Variants in EPM2A observed in about 807,000 individuals in gnomAD.
EPM2A encodes laforin.
EPM2A carries 21 observed loss-of-function variants against 26.5 expected under a neutral mutation model. The observed-to-expected ratio is 0.79, with a 90% CI of 0.56 to 1.14. EPM2A has a LOEUF of 1.14. Among genes scored for constraint, EPM2A ranks in the 50% most tolerant of loss-of-function variants. The pLI is 0.00. For missense variants in EPM2A, 458 were observed against 440.8 expected (o/e 1.04, Z -0.35); for synonymous variants, 217 against 177.6 (o/e 1.22, Z -1.76).
chr6:145,484,196 AC>A (rs1298869551), intron 4 of EPM2A, among the ~76,000 whole-genome samples: 1 of 152,106 alleles, frequency 6.6e-6, no homozygotes, highest in Non-Finnish European at 1.5e-5. Flanking sequence ...TAGGATGCAG[AC>A]AACTGTGTTT....
At chr6:145,644,472 C>T (rs1777313694) in intron 2 of EPM2A, among the ~76,000 whole-genome samples, 1 of 151,856 alleles carries the variant, frequency 6.6e-6, no homozygotes, top group Non-Finnish European at 1.5e-5. Flanking sequence ...TATATGGATG[C>T]TGAAAATTTA....
chr6:145,525,778 T>A (rs976178733), intron 2 of EPM2A, among the ~76,000 whole-genome samples: 4 of 152,098 alleles, frequency 2.6e-5, no homozygotes, highest in African/African-American at 9.7e-5. Flanking sequence ...TTGGATACCT[T>A]TCATTTCTTT....
At chr6:145,542,214 C>T (rs969505380) in intron 2 of EPM2A, among the ~76,000 whole-genome samples, 1 of 152,224 alleles carries the variant, frequency 6.6e-6, no homozygotes, top group Admixed American at 6.5e-5. Context: ...TTTTTCTCTG[C>T]TTCCCAAATT....
downstream of EPM2A, among the ~76,000 whole-genome samples, chr6:145,497,874 C>T (rs976602707): frequency 3.3e-5 from 5 of 152,208 alleles, no homozygotes; most frequent in African/African-American, 1.2e-4. Context: ...CCCCAGTAGG[C>T]TTGGGCTCGC....
chr6:145,654,196 T>C (rs928880151), intron 2 of EPM2A, among the ~76,000 whole-genome samples: 1 of 149,968 alleles, frequency 6.7e-6, no homozygotes, highest in African/African-American at 2.5e-5. Context: ...ACTATGCAAT[T>C]TTTTTTTTTT....
rs564760635 is a variant in EPM2A, at chr6:145,708,643, T to G, written c.302-22347A>C. 3.3e-4 allele frequency among the ~76,000 whole-genome samples: 50 copies of G among 152,330 alleles called. 1 individual carries two copies. The South Asian group carries it at 0.01, about 31-fold the overall frequency. ...TCAGAGGATGTATGAAAAGCCTGGATGCCCAGGAAGAAGTTTGCTGCAGGG... is the reference window on the plus strand; with the variant it reads ...TCAGAGGATGTATGAAAAGCCTGGAGGCCCAGGAAGAAGTTTGCTGCAGGG... On this transcript the variant is annotated intron_variant, in intron 1 of 3. Coordinates refer to ENST00000367519, the MANE Select transcript of EPM2A (RefSeq NM_005670.4).
chr6:145,647,622 G>A (rs909916269), intron 2 of EPM2A, among the ~76,000 whole-genome samples: 3 of 151,784 alleles, frequency 2.0e-5, no homozygotes, highest in East Asian at 3.9e-4. Flanking sequence ...CAGTACCCAC[G>A]GCACTTAACA....
At chr6:145,607,179 T>G (rs1034109164) in intron 2 of EPM2A, among the ~76,000 whole-genome samples, 1 of 152,142 alleles carries the variant, frequency 6.6e-6, no homozygotes, top group Non-Finnish European at 1.5e-5. Flanking sequence ...AATAACCTCG[T>G]TAAAGTTTTA....
chr6:145,417,944 C>T (rs1027493848), intron 4 of EPM2A, among the ~76,000 whole-genome samples: 33 of 152,144 alleles, frequency 2.2e-4, no homozygotes, highest in African/African-American at 7.7e-4. Flanking sequence ...GACCCCATCA[C>T]CAAGATGGAA....
rs1487015902 is a variant in EPM2A, at chr6:145,627,392, AG to A, written c.*23del. 6.2e-7 allele frequency: 1 copy of A among 1,613,720 alleles called. No homozygotes were observed. On this transcript the variant is annotated 3_prime_UTR_variant, in exon 4 of 4. Transcript: ENST00000367519. ...TCCCAGGCTCCTTAGGGAAATCAGG[AG>A]GGGGCAGAAGCAGGCTGACCAGCTA...
intron 4 of EPM2A, among the ~76,000 whole-genome samples, chr6:145,417,840 A>T (rs758594040): frequency 6.6e-6 from 1 of 151,968 alleles, no homozygotes; most frequent in Non-Finnish European, 1.5e-5. Flanking sequence ...GTATGGCTAT[A>T]TTTCCACACA....
intron 2 of EPM2A, among the ~76,000 whole-genome samples, chr6:145,540,743 A>G (rs1257736190): frequency 6.6e-6 from 1 of 150,862 alleles, no homozygotes; most frequent in Non-Finnish European, 1.5e-5. Flanking sequence ...TACAAAAATG[A>G]AAAAGATCAA....
At chr6:145,570,773 C>T (rs1256004384) in intron 2 of EPM2A, among the ~76,000 whole-genome samples, 1 of 152,156 alleles carries the variant, frequency 6.6e-6, no homozygotes, top group Non-Finnish European at 1.5e-5. Context: ...TCCCATTGAC[C>T]TTAATCACAG....
At chr6:145,410,023 C>T (rs914414910) in intron 4 of EPM2A, among the ~76,000 whole-genome samples, 2 of 152,056 alleles carry the variant, frequency 1.3e-5, no homozygotes, top group African/African-American at 4.8e-5. Flanking sequence ...CTCTATTGGC[C>T]CCAAAGGTCA....
intron 2 of EPM2A, among the ~76,000 whole-genome samples, chr6:145,646,051 A>AAACAAAAAAAAATT: frequency 6.6e-6 from 1 of 152,342 alleles, no homozygotes; most frequent in Middle Eastern, 3.4e-3. Context: ...AATGTAAATT[A>AAACAAAAAAAAATT]TCCATAGACT....
At chr6:145,692,265 A>G (rs1249709421) in intron 1 of EPM2A, among the ~76,000 whole-genome samples, 2 of 152,038 alleles carry the variant, frequency 1.3e-5, no homozygotes. Flanking sequence ...CTCCAGAATT[A>G]TAGTTTAAGA....
At chr6:145,615,397 T>C (rs953433576) in intron 2 of EPM2A, among the ~76,000 whole-genome samples, 1 of 152,166 alleles carries the variant, frequency 6.6e-6, no homozygotes, top group Non-Finnish European at 1.5e-5. Context: ...TGTAAGTCCA[T>C]TAAAACCCTT....
chr6:145,682,203 G>A (rs1780591679), intron 2 of EPM2A, among the ~76,000 whole-genome samples: 1 of 152,130 alleles, frequency 6.6e-6, no homozygotes, highest in African/African-American at 2.4e-5. Context: ...CAAAGAGAGA[G>A]CATGTGCAGG....
intron 4 of EPM2A, among the ~76,000 whole-genome samples, chr6:145,421,655 G>A (rs922295774): frequency 3.3e-5 from 5 of 151,762 alleles, no homozygotes; most frequent in African/African-American, 1.2e-4. Context: ...TAAGATGGTA[G>A]AAATAAGTTC....
Sources: gnomAD v4.1 joint callset for allele counts (sites outside exome capture counted in the v4.1 genomes callset) on GRCh38, gnomAD v4.1.1 for gene constraint, MANE v1.5 for transcripts, NCBI Gene and HGNC (gene_info 2026-07-23, HGNC 2026-07-21) for gene names.